Variants in MKNK1 observed in about 807,000 individuals in gnomAD.
MKNK1 encodes MAP kinase-interacting serine/threonine-protein kinase 1.
MKNK1 carries 30 observed loss-of-function variants against 49.3 expected under a neutral mutation model. The ratio of observed to expected loss-of-function variants is 0.61; its 90% CI spans 0.46 to 0.83. MKNK1 has a LOEUF of 0.83. MKNK1 is among the 40% of genes least tolerant of loss of function. MKNK1 has a pLI of 0.00. For synonymous variants in MKNK1, 176 were observed against 201.7 expected, an observed-to-expected ratio of 0.87 and a Z score of 1.08; for missense variants, 423 against 524.7, an observed-to-expected ratio of 0.81 and a Z score of 1.89.
chr1:46,588,755 C>T (rs923939852), intron 2 of MKNK1, among the ~76,000 whole-genome samples: 5 of 150,956 alleles, frequency 3.3e-5, no homozygotes, highest in Non-Finnish European at 5.9e-5. Flanking sequence ...CTGCAGTGAG[C>T]CGAGATCGCG....
intron 4 of MKNK1, 143 bp from the exon 5 acceptor site, chr1:46,576,797 G>A (rs976719425): frequency 2.4e-5 from 17 of 708,140 alleles, no homozygotes; most frequent in African/African-American, 7.0e-5. Context: ...TGGTGACACC[G>A]GCACTGTGGC....
chr1:46,585,985 A>G (rs1394870377), intron 2 of MKNK1: 1 of 1,279,332 alleles, frequency 7.8e-7, no homozygotes, highest in Non-Finnish European at 1.1e-6. Context: ...CTAGGAAGGA[A>G]AAAATGTAGG....
intron 2 of MKNK1, among the ~76,000 whole-genome samples, chr1:46,586,693 G>A (rs1352110936): frequency 6.6e-6 from 1 of 152,254 alleles, no homozygotes; most frequent in Admixed American, 6.5e-5. Context: ...ACTTTGCCCT[G>A]TAGACAATGC....
In MKNK1 at chr1:46,589,666, A is replaced by G. The variant is rs1483855816; in HGVS notation, c.-3+4447T>C. On this transcript the variant is annotated intron_variant, in intron 2 of 12. Transcript: ENST00000371945. This position sits in a 1 kb window ranked among gnomAD's most constrained non-coding sequence, Gnocchi z 4.3. ...ATCCTGGTTCCTGCAGGGGAGATTT[A>G]CAGAGAACTCATAGAGCAGATGAGG... Among the ~76,000 whole-genome samples the G allele has an allele frequency of 6.6e-6, 1 of 152,142 alleles. No homozygotes were observed. The highest frequency in any genetic ancestry group is 1.5e-5 in the Non-Finnish European group (1 of 68,026).
At chr1:46,591,651 G>A (rs1673355404) in intron 2 of MKNK1, among the ~76,000 whole-genome samples, 1 of 152,132 alleles carries the variant, frequency 6.6e-6, no homozygotes, top group African/African-American at 2.4e-5. Flanking sequence ...CGCAGCCCAC[G>A]AGGCTCTCCA....
intron 10 of MKNK1, among the ~76,000 whole-genome samples, chr1:46,562,144 C>T (rs941557725): frequency 1.3e-5 from 2 of 152,006 alleles, no homozygotes; most frequent in African/African-American, 4.8e-5. Flanking sequence ...GCCTGTAATC[C>T]CAGCACTTTG....
At chr1:46,576,948 C>G (rs1487958210) in intron 4 of MKNK1, among the ~76,000 whole-genome samples, 1 of 152,240 alleles carries the variant, frequency 6.6e-6, no homozygotes. Flanking sequence ...GCCGGCAAGA[C>G]AAAGAGCTAC....
chr1:46,603,737 C>CT (rs1675040075), intron 1 of MKNK1, among the ~76,000 whole-genome samples: 1 of 152,256 alleles, frequency 6.6e-6, no homozygotes, highest in Non-Finnish European at 1.5e-5. Context: ...ACCTGACACT[C>CT]TTATTACCTT....
chr1:46,560,487 G>A (rs1053742914), intron 11 of MKNK1, among the ~76,000 whole-genome samples: 2 of 152,150 alleles, frequency 1.3e-5, no homozygotes, highest in African/African-American at 4.8e-5. Context: ...CTTCTGCATG[G>A]AGAGCCCCTC....
chr1:46,573,161 C>T (rs1199169403), intron 6 of MKNK1, among the ~76,000 whole-genome samples: 6 of 152,296 alleles, frequency 3.9e-5, no homozygotes, highest in South Asian at 2.1e-4. Context: ...CCCAAGATTA[C>T]GCACCAGTAA....
chr1:46,558,734 A>G lies in MKNK1; in HGVS notation c.1080T>C (p.Ser360=). Residue 360 remains serine (S), a synonymous_variant, in exon 13 of 13, where the codon TCT becomes TCC. Transcript: ENST00000371945. ...CTGCTAGTTCGTTCTCTTCGTGCTG[A>G]GATAGCTGGCGGTTAAGGGCGATGG... ...AEAIALNRQL[S]QHEENELAEE... is the part of the protein sequence containing the mutation. 2 of 1,614,222 alleles carry G rather than the reference A, an allele frequency of 1.2e-6. No individual in the cohort carries two copies. Among genetic ancestry groups the G allele is most frequent in the Non-Finnish European group, 1.7e-6 (2 of 1,180,028 alleles).
At chr1:46,591,287 T>C (rs1046508407) in intron 2 of MKNK1, among the ~76,000 whole-genome samples, 2 of 152,158 alleles carry the variant, frequency 1.3e-5, no homozygotes, top group African/African-American at 2.4e-5. Context: ...GGCTGCAGCA[T>C]GCAGGTGGCA....
intron 3 of MKNK1, chr1:46,582,678 C>T (rs1239010668): frequency 2.8e-6 from 1 of 359,218 alleles, no homozygotes; most frequent in East Asian, 7.4e-5. Context: ...AGCCTAGTGC[C>T]TCGCACACAG....
chr1:46,601,360 C>G (rs914693649), intron 1 of MKNK1, among the ~76,000 whole-genome samples: 4 of 152,236 alleles, frequency 2.6e-5, no homozygotes, highest in African/African-American at 9.6e-5. Flanking sequence ...CATGCTGAGG[C>G]TGTTGGCAAG....
rs201270136 is a variant in MKNK1, at chr1:46,561,558, G to A, written c.889C>T (p.Leu297Phe). 1 of 1,614,212 alleles carries A rather than the reference G, an allele frequency of 6.2e-7. No individual in the cohort carries two copies. The highest frequency in any genetic ancestry group is 8.5e-7 in the Non-Finnish European group (1 of 1,180,038). ...TCTCGCACCAGGAGCTTGGAGATGA[G>A]GTCTTTGGCTTCACTGGAGATGTGT... ...WAHISSEAKDLISKLLVRDAK... is the reference protein window; with the variant it reads ...WAHISSEAKDFISKLLVRDAK... Residue 297 changes from leucine (L) to phenylalanine (F), a missense_variant, in exon 11 of 13, where the codon CTC becomes TTC. Transcript: ENST00000371945.
chr1:46,591,261 G>A (rs2148743193), intron 2 of MKNK1, among the ~76,000 whole-genome samples: 1 of 152,324 alleles, frequency 6.6e-6, no homozygotes, highest in East Asian at 1.9e-4. Context: ...CAAGAGTCTG[G>A]TGTGAGGGGA....
At chr1:46,594,736 T>C in intron 1 of MKNK1, 1 of 296,108 alleles carries the variant, frequency 3.4e-6, no homozygotes, top group Non-Finnish European at 6.8e-6. Flanking sequence ...GGCTCATGCC[T>C]GTAATCTCAG....
At chr1:46,596,349 C>T (rs892720658) in intron 1 of MKNK1, among the ~76,000 whole-genome samples, 1 of 152,144 alleles carries the variant, frequency 6.6e-6, no homozygotes, top group African/African-American at 2.4e-5. Context: ...TTCTTGATTT[C>T]TCCCCAACCA....
At chr1:46,603,251 A>C (rs1368200879) in intron 1 of MKNK1, among the ~76,000 whole-genome samples, 2 of 152,156 alleles carry the variant, frequency 1.3e-5, no homozygotes, top group Admixed American at 6.5e-5. Flanking sequence ...GTGAGACATT[A>C]CACCTACTGT....
Sources: gnomAD v4.1 joint callset for allele counts (sites outside exome capture counted in the v4.1 genomes callset) on GRCh38, gnomAD v4.1.1 for gene constraint, Gnocchi (gnomAD v3.1) non-coding constraint, MANE v1.5 for transcripts, NCBI Gene and HGNC (gene_info 2026-07-23, HGNC 2026-07-21) for gene names.